The following ZCWPW2 variants were observed in gnomAD, a reference collection of about 807,000 sequenced individuals.
The protein encoded by ZCWPW2 is zinc finger CW-type and PWWP domain containing 2, also known as zinc finger CW-type PWWP domain protein 2.
A neutral mutation model predicts 46.6 loss-of-function variants in ZCWPW2; 45 were observed. That is an observed-to-expected ratio of 0.96 (90% confidence interval 0.76 to 1.24). The LOEUF is 1.24. Among genes scored for constraint, ZCWPW2 ranks in the 50% most tolerant of loss-of-function variants. The pLI is 0.00. For missense variants in ZCWPW2, 429 were observed against 403.9 expected (o/e 1.06, Z -0.53); for synonymous variants, 152 against 137.1 (o/e 1.11, Z -0.76).
chr3:28,353,061 T>C (rs1196396164), intron 1 of ZCWPW2, among the ~76,000 whole-genome samples: 2 of 151,994 alleles, frequency 1.3e-5, no homozygotes, highest in African/African-American at 2.4e-5. Flanking sequence ...CTCACTCCTG[T>C]AGTCCCAGCC....
intron 1 of ZCWPW2, among the ~76,000 whole-genome samples, chr3:28,359,188 T>A (rs140341874): frequency 6.6e-6 from 1 of 152,234 alleles, no homozygotes; most frequent in Non-Finnish European, 1.5e-5. Flanking sequence ...CCACCCAAAT[T>A]GTTGTGTATT....
At chr3:28,454,355 T>C (rs1698346385) in intron 4 of ZCWPW2, among the ~76,000 whole-genome samples, 1 of 152,218 alleles carries the variant, frequency 6.6e-6, no homozygotes, top group Non-Finnish European at 1.5e-5. Context: ...CAAATATTTG[T>C]AAGAAAGAGG....
chr3:28,453,516 A>G (rs1698305444), intron 4 of ZCWPW2, among the ~76,000 whole-genome samples: 1 of 152,166 alleles, frequency 6.6e-6, no homozygotes, highest in South Asian at 2.1e-4. Flanking sequence ...TTTCTAAGAA[A>G]TTGCAATATA....
intron 4 of ZCWPW2, among the ~76,000 whole-genome samples, chr3:28,439,826 C>T (rs577029968): frequency 3.9e-5 from 6 of 152,202 alleles, no homozygotes; most frequent in Admixed American, 2.0e-4. Context: ...TATACATGAA[C>T]GAACATGTTT....
chr3:28,512,821 G>A (rs925472137), intron 6 of ZCWPW2, among the ~76,000 whole-genome samples: 1 of 151,628 alleles, frequency 6.6e-6, no homozygotes, highest in African/African-American at 2.4e-5. Flanking sequence ...ATGGCTCATA[G>A]ATATCATAGA....
At chr3:28,438,985 A>T in intron 4 of ZCWPW2, among the ~76,000 whole-genome samples, 1 of 151,222 alleles carries the variant, frequency 6.6e-6, no homozygotes, top group East Asian at 2.0e-4. Context: ...GTCTCAGTGT[A>T]TTAGTCAGGG....
chr3:28,446,317 G>A (rs1008977932), intron 4 of ZCWPW2, among the ~76,000 whole-genome samples: 5 of 151,990 alleles, frequency 3.3e-5, no homozygotes, highest in Admixed American at 3.3e-4. Context: ...TAGATATAAG[G>A]CAGAGTATTA....
At chr3:28,458,595 T>C (rs1308488866) in intron 4 of ZCWPW2, among the ~76,000 whole-genome samples, 1 of 152,150 alleles carries the variant, frequency 6.6e-6, no homozygotes, top group Admixed American at 6.5e-5. Context: ...GCCCAGATCT[T>C]ATGATTACAA....
chr3:28,362,181 C>G (rs374881511), intron 1 of ZCWPW2, among the ~76,000 whole-genome samples: 24 of 152,078 alleles, frequency 1.6e-4, no homozygotes, highest in East Asian at 7.7e-4. Context: ...AATGGAATAT[C>G]CTTCAGCCTT....
chr3:28,381,245 A>G (rs1045345762), intron 1 of ZCWPW2, among the ~76,000 whole-genome samples: 2 of 151,316 alleles, frequency 1.3e-5, no homozygotes, highest in African/African-American at 4.9e-5. Context: ...AAACTTCACC[A>G]GTAGCCTATT....
intron 4 of ZCWPW2, among the ~76,000 whole-genome samples, chr3:28,472,214 GAA>G (rs1378162190): frequency 6.6e-6 from 1 of 151,892 alleles, no homozygotes; most frequent in Non-Finnish European, 1.5e-5. Context: ...CACAGAAATA[GAA>G]AAAAAGAGTC....
At position 28,515,562 on chromosome 3, in the gene ZCWPW2, T is replaced by C. The variant is rs1575229268; in HGVS notation, c.725T>C (p.Ile242Thr). The change falls in exon 8 of 10, where the codon ATT becomes ACT. Residue 242 changes from isoleucine (I) to threonine (T), a missense_variant. Coordinates refer to ENST00000383768, the MANE Select transcript of ZCWPW2 (RefSeq NM_001040432.4). Reference protein sequence around the residue: ...PKFRKRKRKAILKCSFENVYS... With the variant: ...PKFRKRKRKATLKCSFENVYS... ...TCAAATTCTTTTTCTAGGAAAGCAATTTTAAAATGCTCTTTTGAAAATGTT... is the reference window on the plus strand; with the variant it reads ...TCAAATTCTTTTTCTAGGAAAGCAACTTTAAAATGCTCTTTTGAAAATGTT... 3 of 1,609,914 alleles carry C rather than the reference T, an allele frequency of 1.9e-6. No homozygotes were observed. Among genetic ancestry groups the C allele is most frequent in the Non-Finnish European group, 2.5e-6 (3 of 1,177,568 alleles).
intron 6 of ZCWPW2, among the ~76,000 whole-genome samples, chr3:28,502,995 C>G (rs1440800186): frequency 6.6e-6 from 1 of 152,124 alleles, no homozygotes; most frequent in Non-Finnish European, 1.5e-5. Context: ...TTGAATGTCA[C>G]TGTTTATAAT....
intron 1 of ZCWPW2, among the ~76,000 whole-genome samples, chr3:28,387,079 C>A (rs1350997045): frequency 1.3e-5 from 2 of 152,190 alleles, no homozygotes; most frequent in Non-Finnish European, 2.9e-5. Flanking sequence ...TGGCAACAGG[C>A]ATCTCTGTTG....
In ZCWPW2 at chr3:28,492,310, T is replaced by C. The variant is rs990864380; in HGVS notation, c.657+137T>C. The C allele has an allele frequency of 5.5e-4, 401 of 729,420 alleles. 3 individuals carry two copies. The highest frequency in any genetic ancestry group is 6.3e-5 in the Non-Finnish European group (30 of 475,422). 45.2% of individuals were successfully genotyped at this position (729,420 alleles called of 1,614,324 possible). ...TTCTTCTGAATGTTACTTTAGTATA[T>C]GTTTCCTTTCTTAGGTTAATACTAG... On this transcript the variant is annotated intron_variant, in intron 6 of 9. Coordinates refer to ENST00000383768, the MANE Select transcript of ZCWPW2 (RefSeq NM_001040432.4).
chr3:28,483,928 G>A (rs1044716193), intron 5 of ZCWPW2, among the ~76,000 whole-genome samples: 5 of 152,022 alleles, frequency 3.3e-5, no homozygotes, highest in East Asian at 1.9e-4. Context: ...CATGTGCAGC[G>A]AGAGTTTTAT....
At chr3:28,502,742 G>T (rs1700181292) in intron 6 of ZCWPW2, among the ~76,000 whole-genome samples, 1 of 152,134 alleles carries the variant, frequency 6.6e-6, no homozygotes. Flanking sequence ...TTGTCGCTAG[G>T]GTTGCAGTTG....
intron 1 of ZCWPW2, among the ~76,000 whole-genome samples, chr3:28,356,216 G>T (rs1395233039): frequency 1.3e-5 from 2 of 152,146 alleles, no homozygotes; most frequent in Admixed American, 1.3e-4. Context: ...CTTCTCAAAA[G>T]AAGACGTTTA....
chr3:28,459,357 G>A (rs1314452167), intron 4 of ZCWPW2, among the ~76,000 whole-genome samples: 11 of 151,330 alleles, frequency 7.3e-5, no homozygotes, highest in Admixed American at 2.0e-4. Context: ...GTGACAGAGC[G>A]AGACTCTGTC....
Sources: gnomAD v4.1 joint callset for allele counts (sites outside exome capture counted in the v4.1 genomes callset) on GRCh38, gnomAD v4.1.1 for gene constraint, MANE v1.5 for transcripts, NCBI Gene and HGNC (gene_info 2026-07-23, HGNC 2026-07-21) for gene names.